Variants in CAMSAP2 observed in about 807,000 individuals in gnomAD.
CAMSAP2 encodes the protein calmodulin-regulated spectrin-associated protein 2.
In CAMSAP2, 26 loss-of-function variants were observed where a neutral mutation model predicts 146.1. The ratio of observed to expected loss-of-function variants is 0.18; its 90% CI spans 0.13 to 0.25. The LOEUF (loss-of-function observed/expected upper bound fraction) is 0.25, where lower values mean the gene tolerates loss of function less well. Among genes scored for constraint, CAMSAP2 ranks in the 10% least tolerant of loss-of-function variants. The probability of loss-of-function intolerance (pLI) is 1.00; values close to 1 mark genes in which losing one functional copy is unlikely to be tolerated. For missense variants in CAMSAP2, 1,381 were observed against 1,759.3 expected, an observed-to-expected ratio of 0.78 and a Z score of 3.85; for synonymous variants, 499 against 596.6, an observed-to-expected ratio of 0.84 and a Z score of 2.38.
Position 200,843,998 on chromosome 1 carries a change from A to G in CAMSAP2, c.1022-784A>G, listed in dbSNP as rs533342436. Among the ~76,000 whole-genome samples the G allele has an allele frequency of 2.0e-3, 308 of 151,902 alleles. 4 individuals are homozygous for G. The highest frequency in any genetic ancestry group is 0.014 in the Admixed American group (215 of 15,280). On this transcript the variant is annotated intron_variant, in intron 7 of 16. Transcript: ENST00000358823. ...GCCATTCTCCTGCCTCAGCCTCCTGAGTAGCTGGGACAACAGGCGCCTGCC... is the reference window on the plus strand; with the variant it reads ...GCCATTCTCCTGCCTCAGCCTCCTGGGTAGCTGGGACAACAGGCGCCTGCC...
intron 8 of CAMSAP2, among the ~76,000 whole-genome samples, chr1:200,846,934 G>T (rs1302963816): frequency 6.6e-6 from 1 of 152,018 alleles, no homozygotes; most frequent in Admixed American, 6.6e-5. Context: ...TTATATATCA[G>T]TTTTTATGTT....
chr1:200,857,575 C>T lies in CAMSAP2; in HGVS notation c.4131+151C>T, dbSNP rs1667779323. 1.3e-6 allele frequency: 1 copy of T among 789,262 alleles called. No homozygotes were observed. Among genetic ancestry groups the T allele is most frequent in the Non-Finnish European group, 2.0e-6 (1 of 502,108 alleles). 48.9% of individuals were successfully genotyped at this position (789,262 alleles called of 1,614,324 possible). A position where few individuals can be genotyped will look rare whatever the true frequency, so the allele number is the denominator to read the frequency against. ...AATTATCAGATTTAGTTTATTTTCACATTAGGTTCTGGAAGCCTGCAGATT... is the reference window on the plus strand; with the variant it reads ...AATTATCAGATTTAGTTTATTTTCATATTAGGTTCTGGAAGCCTGCAGATT... On this transcript the variant is annotated intron_variant, in intron 16 of 16. Coordinates refer to ENST00000358823, the MANE Select transcript of CAMSAP2 (RefSeq NM_203459.4). The surrounding 1 kb of genome is among the most constrained non-coding windows in gnomAD (Gnocchi z 4.7).
In CAMSAP2 at chr1:200,832,987, G is replaced by A; in HGVS notation, c.927+142G>A. On this transcript the variant is annotated intron_variant, in intron 6 of 16. Transcript: ENST00000358823. This position sits in a 1 kb window ranked among gnomAD's most constrained non-coding sequence, Gnocchi z 4.2. ...AAGGTGGGAGGATTGCTTAAGCCTG[G>A]GAGGTTGAGGCTTCAGTGAGCGATG... is the stretch of plus-strand genomic sequence containing the variant. 1 of 637,634 alleles carries A rather than the reference G, an allele frequency of 1.6e-6. No homozygotes were observed. The allele number at this position is 637,634 out of a possible 1,614,324, so 39.5% of individuals were successfully genotyped here.
At chr1:200,757,697 A>G (rs578158613) in intron 1 of CAMSAP2, among the ~76,000 whole-genome samples, 3 of 152,210 alleles carry the variant, frequency 2.0e-5, no homozygotes, top group South Asian at 2.1e-4. Context: ...TCTTAAGTAT[A>G]TTTAGCTCTT....
At chr1:200,805,409 A>G (rs1346477154) in intron 2 of CAMSAP2, among the ~76,000 whole-genome samples, 1 of 152,216 alleles carries the variant, frequency 6.6e-6, no homozygotes, top group Non-Finnish European at 1.5e-5. Context: ...GATGTAGGGA[A>G]TAGGAAGATA....
rs1235674098 is a variant in CAMSAP2 at position 200,816,802 on chromosome 1, G to A, written c.645+1158G>A. ...TGTATATATGTGTGTACACACACAC[G>A]CGTGTATATATGTGTGTACACACAC... On this transcript the variant is annotated intron_variant, in intron 4 of 16. Transcript: ENST00000358823. Among the ~76,000 whole-genome samples the A allele has an allele frequency of 5.6e-5, 5 of 89,900 alleles. 1 individual carries two copies. The highest frequency in any genetic ancestry group is 8.5e-5 in the Non-Finnish European group (4 of 46,806). The allele number at this position is 89,900 out of a possible 152,430, so 59.0% of individuals were successfully genotyped here.
chr1:200,855,142 A>G (rs1233164293), intron 14 of CAMSAP2, among the ~76,000 whole-genome samples: 4 of 150,880 alleles, frequency 2.7e-5, no homozygotes, highest in Admixed American at 1.3e-4. Context: ...CATACTTTTT[A>G]TAAGCTATGA....
rs528853427 is a variant in CAMSAP2, at chr1:200,763,547, AC to A, written c.399+2451del. On this transcript the variant is annotated intron_variant, in intron 2 of 16. Transcript: ENST00000358823. ...GACAGAGTGAGACTTTGTCTTAAAAACCAACCAACCAAAGAACTTGAGAACT... is the reference window on the plus strand; with the variant it reads ...GACAGAGTGAGACTTTGTCTTAAAAACAACCAACCAAAGAACTTGAGAACT... Among the ~76,000 whole-genome samples the A allele has an allele frequency of 4.1e-3, 625 of 152,082 alleles. 4 individuals are homozygous for A. The highest frequency in any genetic ancestry group is 0.019 in the South Asian group (89 of 4,806).
In CAMSAP2 at chr1:200,739,711, C is replaced by G; in HGVS notation, c.-117C>G. 1.0e-6 allele frequency: 1 copy of G among 996,426 alleles called. No homozygotes were observed. Among genetic ancestry groups the G allele is most frequent in the Non-Finnish European group, 1.3e-6 (1 of 745,918 alleles). 61.7% of individuals were successfully genotyped at this position (996,426 alleles called of 1,614,324 possible). A position where few individuals can be genotyped will look rare whatever the true frequency, so the allele number is the denominator to read the frequency against. The stretch of plus-strand genomic sequence containing the variant: ...TCTCCTCCGTCGGCGCCCGGGCGGA[C>G]ATCGCCCGGGCCCCGATGGTTTGAG... On this transcript the variant is annotated 5_prime_UTR_variant, in exon 1 of 17. Transcript: ENST00000358823. The surrounding 1 kb of genome is among the most constrained non-coding windows in gnomAD (Gnocchi z 4.8).
intron 7 of CAMSAP2, among the ~76,000 whole-genome samples, chr1:200,843,859 TTTTTG>T (rs557690558): frequency 1.8e-4 from 28 of 151,756 alleles, no homozygotes; most frequent in African/African-American, 4.4e-4. Context: ...TGTTTGTTTG[TTTTTG>T]TTTTGTTTTG....
intron 1 of CAMSAP2, among the ~76,000 whole-genome samples, chr1:200,759,140 A>T (rs745378967): frequency 5.9e-5 from 9 of 151,352 alleles, no homozygotes; most frequent in Admixed American, 1.3e-4. Flanking sequence ...GCTTTCCCAC[A>T]TGAACTCTTC....
chr1:200,767,714 A>T (rs186843391), intron 2 of CAMSAP2, among the ~76,000 whole-genome samples: 241 of 152,348 alleles, frequency 1.6e-3, no homozygotes, highest in African/African-American at 5.2e-3. Context: ...TTATAAGCCA[A>T]ACCTGTCTTT....
At chr1:200,805,776 C>T (rs1666155655) in intron 2 of CAMSAP2, among the ~76,000 whole-genome samples, 1 of 152,054 alleles carries the variant, frequency 6.6e-6, no homozygotes, top group East Asian at 1.9e-4. Context: ...AAACTGGTAG[C>T]AGATTGGAGA....
At chr1:200,740,969 C>A (rs950518343) in intron 1 of CAMSAP2, among the ~76,000 whole-genome samples, 1 of 152,146 alleles carries the variant, frequency 6.6e-6, no homozygotes, top group African/African-American at 2.4e-5. Context: ...GAAAAGTTCC[C>A]TAGTACTCAC....
At chr1:200,817,165 C>CACACATAA (rs375085196) in intron 4 of CAMSAP2, among the ~76,000 whole-genome samples, 1 of 68,044 alleles carries the variant, frequency 1.5e-5, no homozygotes, top group Non-Finnish European at 2.6e-5. Flanking sequence ...CATACACACA[C>CACACATAA]GTGTGTGTAT....
At chr1:200,741,451 A>C (rs1664171782) in intron 1 of CAMSAP2, among the ~76,000 whole-genome samples, 1 of 152,238 alleles carries the variant, frequency 6.6e-6, no homozygotes, top group Non-Finnish European at 1.5e-5. Context: ...TAAGCAGCAC[A>C]CTGAAGCCGG....
At chr1:200,742,950 A>G (rs962174663) in intron 1 of CAMSAP2, among the ~76,000 whole-genome samples, 1 of 152,204 alleles carries the variant, frequency 6.6e-6, no homozygotes, top group Non-Finnish European at 1.5e-5. Flanking sequence ...TTACAGTAGT[A>G]TTACAAAAGT....
rs371238292 is a variant in CAMSAP2 at position 200,761,034 on chromosome 1, T to A, written c.335T>A (p.Leu112His). 6.2e-7 allele frequency: 1 copy of A among 1,614,144 alleles called. No individual in the cohort carries two copies. Among genetic ancestry groups the A allele is most frequent in the Non-Finnish European group, 8.5e-7 (1 of 1,180,012 alleles). The change falls in exon 2 of 17, where the codon CTT (leucine) becomes CAT (histidine). Residue 112 changes from leucine (L) to histidine (H), a missense_variant. Physicochemically the swap from Leu to His is moderately conservative, Grantham distance 99. Coordinates refer to ENST00000358823, the MANE Select transcript of CAMSAP2 (RefSeq NM_203459.4). Reference sequence around the variant, plus strand: ...ATCCAGGCTTTAGCACAGAAAGGTCTTTATGTCACTGACCAGGAAAAATTG... The same window carrying A: ...ATCCAGGCTTTAGCACAGAAAGGTCATTATGTCACTGACCAGGAAAAATTG... Reference protein sequence around the residue: ...AVIQALAQKGLYVTDQEKLVT... With the variant: ...AVIQALAQKGHYVTDQEKLVT...
Position 200,849,330 on chromosome 1 carries a change from C to T in CAMSAP2, c.2561C>T (p.Thr854Ile), listed in dbSNP as rs539774470. The change falls in exon 11 of 17, where the codon ACA becomes ATA. Residue 854 changes from threonine to isoleucine, a missense_variant. By Grantham distance (89) the Thr-to-Ile change is moderately conservative. This residue lies in a region of CAMSAP2 where 560 missense variants were observed against 715.9 expected (regional missense o/e 0.78). Transcript: ENST00000358823. This position sits in a 1 kb window ranked among gnomAD's most constrained non-coding sequence, Gnocchi z 6.3. ...PQAKWLKSPTTPIDPEKQWNL... is the reference protein window; with the variant it reads ...PQAKWLKSPTIPIDPEKQWNL... Reference sequence around the variant, plus strand: ...GCCAAATGGCTAAAGTCTCCAACTACACCTATTGATCCTGAGAAGCAGTGG... The same window carrying T: ...GCCAAATGGCTAAAGTCTCCAACTATACCTATTGATCCTGAGAAGCAGTGG... The T allele has an allele frequency of 5.6e-6, 9 of 1,614,078 alleles. No individual in the cohort carries two copies. In the South Asian group the frequency reaches 8.8e-5, roughly 16 times the overall value.
Sources: allele counts gnomAD v4.1 joint callset (sites outside exome capture counted in the v4.1 genomes callset), GRCh38; gene constraint gnomAD v4.1.1; regional missense constraint gnomAD v4.1.1; non-coding constraint Gnocchi (gnomAD v3.1); transcripts MANE v1.5; gene names NCBI Gene and HGNC (gene_info 2026-07-23, HGNC 2026-07-21).